The following BPTF variants were observed in gnomAD, a reference collection of about 807,000 sequenced individuals.
The protein encoded by BPTF is bromodomain PHD finger transcription factor, also known as nucleosome-remodeling factor subunit BPTF.
A neutral mutation model predicts 292.5 loss-of-function variants in BPTF; 18 were observed. That is an observed-to-expected ratio of 0.06 (90% CI 0.04 to 0.09). The LOEUF is 0.09. BPTF is among the 10% of genes least tolerant of loss of function. The pLI is 1.00. For synonymous variants in BPTF, 1,225 were observed against 1,251.9 expected, an observed-to-expected ratio of 0.98 and a Z score of 0.45; for missense variants, 2,726 against 3,498.7, an observed-to-expected ratio of 0.78 and a Z score of 5.57.
At chr17:67,862,256 G>A (rs1336898264) in intron 2 of BPTF, among the ~76,000 whole-genome samples, 2 of 152,186 alleles carry the variant, frequency 1.3e-5, no homozygotes, top group Admixed American at 6.5e-5. Context: ...GATTACAGGC[G>A]TGAGCCATCG....
At chr17:67,844,258 T>G (rs2057843330) in intron 1 of BPTF, among the ~76,000 whole-genome samples, 2 of 150,892 alleles carry the variant, frequency 1.3e-5, no homozygotes, top group South Asian at 2.1e-4. Context: ...GAATTTTTTT[T>G]TTTTTTTGAG....
chr17:67,867,264 C>A (rs554399514), intron 3 of BPTF, among the ~76,000 whole-genome samples: 70 of 152,222 alleles, frequency 4.6e-4, no homozygotes, highest in Middle Eastern at 6.8e-3. Context: ...ATTCAAGTAT[C>A]TTATTAAACT....
At chr17:67,964,493 G>T in intron 25 of BPTF, 89 bp downstream of exon 25, 2 of 1,415,534 alleles carry the variant, frequency 1.4e-6, no homozygotes, top group Non-Finnish European at 1.9e-6. Flanking sequence ...TCCAATCTTA[G>T]AATGATTATT....
At chr17:67,843,766 TTTTTTTTTTTTTTTTTGAGATGGAG>T (rs1177776937) in intron 1 of BPTF, among the ~76,000 whole-genome samples, 5 of 131,024 alleles carry the variant, frequency 3.8e-5, no homozygotes, top group Admixed American at 7.4e-5. Flanking sequence ...TTTTTTTTTT[TTTTTTTTTTTTTTTTTGAGATGGAG>T]TTTTGCTCTT....
intron 1 of BPTF, among the ~76,000 whole-genome samples, chr17:67,842,969 T>A (rs1188411984): frequency 6.6e-6 from 1 of 151,638 alleles, no homozygotes; most frequent in Non-Finnish European, 1.5e-5. Context: ...AGAAATGGTA[T>A]CTGGGAAAAT....
chr17:67,838,206 C>T (rs1248829557), intron 1 of BPTF, among the ~76,000 whole-genome samples: 2 of 152,162 alleles, frequency 1.3e-5, no homozygotes, highest in African/African-American at 4.8e-5. Flanking sequence ...TCTAATAAAA[C>T]TTTATTTACA....
rs1201456648 is a variant in BPTF, at chr17:67,983,241, T to C, written c.*953T>C. Reference sequence around the variant, plus strand: ...TGCAAGGTCATGAAAGGCAGAAGAGTCTAATTGTGCCTGGATTTCTCCAGG... The same window carrying C: ...TGCAAGGTCATGAAAGGCAGAAGAGCCTAATTGTGCCTGGATTTCTCCAGG... On this transcript the variant is annotated 3_prime_UTR_variant, in exon 28 of 28. Coordinates refer to ENST00000306378, the MANE Select transcript of BPTF (RefSeq NM_182641.4). 1 of 152,512 alleles carries C rather than the reference T, an allele frequency of 6.6e-6. No homozygotes were observed. 9.4% of individuals were successfully genotyped at this position (152,512 alleles called of 1,614,324 possible).
intron 11 of BPTF, among the ~76,000 whole-genome samples, chr17:67,916,658 C>T (rs778092271): frequency 6.6e-5 from 10 of 150,784 alleles, no homozygotes; most frequent in South Asian, 2.1e-4. Context: ...CCCGGCTACT[C>T]GGGAGGCTGA....
chr17:67,962,522 C>A (rs2067616075), intron 24 of BPTF, among the ~76,000 whole-genome samples: 1 of 152,232 alleles, frequency 6.6e-6, no homozygotes, highest in South Asian at 2.1e-4. Flanking sequence ...TAGACCCTCA[C>A]AGGCTTTGGA....
chr17:67,913,356 TAA>T (rs1568055871), intron 11 of BPTF, among the ~76,000 whole-genome samples, 169 bp downstream of exon 11: 3 of 152,188 alleles, frequency 2.0e-5, no homozygotes, highest in African/African-American at 7.2e-5. Context: ...ATTGGCCAAC[TAA>T]TGTACTAAAG....
Position 67,945,954 on chromosome 17 carries a change from T to A in BPTF, c.7246T>A (p.Ser2416Thr), listed in dbSNP as rs782270091. The A allele has an allele frequency of 1.2e-6, 2 of 1,614,198 alleles. No homozygotes were observed. The highest frequency in any genetic ancestry group is 2.2e-5 in the South Asian group (2 of 91,082). Residue 2416 changes from serine to threonine, a missense_variant, in exon 21 of 28, where the codon TCA (serine) becomes ACA (threonine). Transcript: ENST00000306378. ...SGQTLNQVTV[S>T]SPSRPQLQIQ... Reference sequence around the variant, plus strand: ...ACAAACTTTAAATCAAGTTACTGTTTCATCCCCATCCCGTCCTCAGCTACA... The same window carrying A: ...ACAAACTTTAAATCAAGTTACTGTTACATCCCCATCCCGTCCTCAGCTACA...
intron 7 of BPTF, among the ~76,000 whole-genome samples, chr17:67,896,320 AAC>A (rs1412213731): frequency 6.6e-6 from 1 of 152,156 alleles, no homozygotes; most frequent in Non-Finnish European, 1.5e-5. Context: ...AGCAGTGAAA[AAC>A]ACACTGGAGC....
In BPTF at chr17:67,949,458, C is replaced by G. The variant is rs531595670; in HGVS notation, c.7926+1152C>G. 2.0e-4 allele frequency among the ~76,000 whole-genome samples: 31 copies of G among 151,872 alleles called. 1 individual carries two copies. In the South Asian group the frequency reaches 2.1e-3, roughly 10 times the overall value. ...GGCGTGGTGGCAGGCACCTGTAATC[C>G]CAGCTACTTGGGATGCTGAGGCAGG... On this transcript the variant is annotated intron_variant, in intron 23 of 27. Coordinates refer to ENST00000306378, the MANE Select transcript of BPTF (RefSeq NM_182641.4).
At chr17:67,982,040 T>A in intron 27 of BPTF, 1 of 268,042 alleles carries the variant, frequency 3.7e-6, no homozygotes, top group Non-Finnish European at 7.4e-6. Context: ...TATTGGCTTT[T>A]TCCAGTGAGC....
Position 67,910,887 on chromosome 17 carries a change from G to C in BPTF, c.3003G>C (p.Glu1001Asp), listed in dbSNP as rs1384682998. 1.9e-6 allele frequency: 3 copies of C among 1,579,098 alleles called. No individual in the cohort carries two copies. The highest frequency in any genetic ancestry group is 2.6e-6 in the Non-Finnish European group (3 of 1,164,012). The change falls in exon 11 of 28, where the codon GAG becomes GAC. Residue 1001 changes from glutamate to aspartate, a missense_variant. Physicochemically the swap from Glu to Asp is conservative, Grantham distance 45. Around this residue, in one of 22 missense-constraint regions of BPTF, gnomAD observed 713 missense variants for 714.9 expected, o/e 1.00. Transcript: ENST00000306378. Reference sequence around the variant, plus strand: ...GTCTTTGTTTCACAGATGTGAAGGAGCTCTTAGATTCTGACAGTGATAAAC... The same window carrying C: ...GTCTTTGTTTCACAGATGTGAAGGACCTCTTAGATTCTGACAGTGATAAAC... ...ITEKKDQDVK[E>D]LLDSDSDKPC...
intron 7 of BPTF, among the ~76,000 whole-genome samples, chr17:67,898,364 A>C (rs2061588383): frequency 6.6e-6 from 1 of 152,234 alleles, no homozygotes. Flanking sequence ...CTGTCTTAAA[A>C]AGAAAAAAGT....
rs142703799 is a variant in BPTF at position 67,826,328 on chromosome 17, A to G, written c.604A>G (p.Ser202Gly). 1.1e-4 allele frequency: 180 copies of G among 1,609,902 alleles called. No individual in the cohort carries two copies. Among genetic ancestry groups the G allele is most frequent in the South Asian group, 3.0e-4 (27 of 90,932 alleles). ...CTTCAGGAGCCATAGTACCTACAGC[A>G]GCACTCCAGGTACCCACCCAGCCCA... ...SSFRSHSTYS[S>G]TPGRRKPRVH... Residue 202 changes from serine to glycine, a missense_variant, in exon 1 of 28, where the codon AGC (serine) becomes GGC (glycine). By Grantham distance (56) the Ser-to-Gly change is moderately conservative. Around this residue, in one of 22 missense-constraint regions of BPTF, gnomAD observed 153 missense variants for 178.3 expected, o/e 0.86. Transcript: ENST00000306378.
At chr17:67,847,717 C>A (rs1306176051) in intron 1 of BPTF, among the ~76,000 whole-genome samples, 2 of 151,224 alleles carry the variant, frequency 1.3e-5, no homozygotes, top group East Asian at 3.9e-4. Context: ...TCTATAAAAG[C>A]TAGCTGCTGA....
At chr17:67,943,014 G>A (rs2147877841) in intron 19 of BPTF, among the ~76,000 whole-genome samples, 1 of 152,242 alleles carries the variant, frequency 6.6e-6, no homozygotes, top group South Asian at 2.1e-4. Context: ...TCCTGAGTTT[G>A]TGAACCTCAG....
Sources: allele counts gnomAD v4.1 joint callset (sites outside exome capture counted in the v4.1 genomes callset), GRCh38; gene constraint gnomAD v4.1.1; regional missense constraint gnomAD v4.1.1; transcripts MANE v1.5; gene names NCBI Gene and HGNC (gene_info 2026-07-23, HGNC 2026-07-21).